CCDC171: variants seen among roughly 807,000 people sequenced by gnomAD.
The protein encoded by CCDC171 is coiled-coil domain-containing protein 171.
Under a neutral mutation model 168.2 loss-of-function variants are expected in CCDC171, and 177 were observed. The ratio of observed to expected loss-of-function variants is 1.05; its 90% CI spans 0.93 to 1.19. The LOEUF (loss-of-function observed/expected upper bound fraction) is 1.19. Among genes scored for constraint, CCDC171 ranks in the 50% most tolerant of loss-of-function variants. The pLI is 0.00. For synonymous variants in CCDC171, 687 were observed against 540.8 expected (o/e 1.27, Z -3.75); for missense variants, 1,991 against 1,539.0 (o/e 1.29, Z -4.91).
At chr9:15,785,998 A>G (rs897216965) in intron 21 of CCDC171, among the ~76,000 whole-genome samples, 1 of 152,152 alleles carries the variant, frequency 6.6e-6, no homozygotes, top group African/African-American at 2.4e-5. Flanking sequence ...TTTGAAATCT[A>G]AAGCAGGAAA....
chr9:15,629,510 G>A (rs201805727), intron 7 of CCDC171, among the ~76,000 whole-genome samples: 13 of 152,238 alleles, frequency 8.5e-5, no homozygotes, highest in Admixed American at 7.9e-4. Context: ...AAAGCCTCCA[G>A]GAAATATGGG....
At position 15,777,795 on chromosome 9, in the gene CCDC171, A is replaced by G; in HGVS notation, c.2867A>G (p.Lys956Arg). 6.2e-7 allele frequency: 1 copy of G among 1,611,662 alleles called. No individual in the cohort carries two copies. Among genetic ancestry groups the G allele is most frequent in the East Asian group, 2.2e-5 (1 of 44,860 alleles). ...CATAAAGTAAACACACTGGCCCTGA[A>G]ATATGGTTTGCGTGGCCATGTGCCC... is the stretch of plus-strand genomic sequence containing the variant. Reference protein sequence around the residue: ...GLHKVNTLALKYGLRGHVPIT... With the variant: ...GLHKVNTLALRYGLRGHVPIT... The change falls in exon 19 of 26, where the codon AAA becomes AGA. Residue 956 changes from lysine to arginine, a missense_variant. Physicochemically the swap from Lys to Arg is conservative, Grantham distance 26 (BLOSUM62 2). Coordinates refer to ENST00000380701, the MANE Select transcript of CCDC171 (RefSeq NM_173550.4).
chr9:16,097,400 T>G, the CCDC171 span, among the ~76,000 whole-genome samples: 4 of 152,242 alleles, frequency 2.6e-5, no homozygotes, highest in Admixed American at 6.5e-5. Context: ...CAATATTTTT[T>G]GAAGGCCTAC....
chr9:16,077,546 G>T, the CCDC171 span, among the ~76,000 whole-genome samples: 1 of 152,114 alleles, frequency 6.6e-6, no homozygotes, highest in South Asian at 2.1e-4. Context: ...CTTTTTTCAT[G>T]AGAAGAAAAC....
intron 24 of CCDC171, among the ~76,000 whole-genome samples, chr9:15,902,267 T>C (rs1184228330): frequency 1.7e-5 from 1 of 58,458 alleles, no homozygotes; most frequent in East Asian, 8.4e-4. Context: ...TATATGTATA[T>C]ATATATATAT....
At chr9:16,095,866 G>GTA in the CCDC171 span, among the ~76,000 whole-genome samples, 1 of 35,330 alleles carries the variant, frequency 2.8e-5, no homozygotes, top group Non-Finnish European at 5.5e-5. Flanking sequence ...ACACACATAG[G>GTA]CACATATATA....
At position 15,625,888 on chromosome 9, in the gene CCDC171, A is replaced by C. The variant is rs2045045955; in HGVS notation, c.822+2475A>C. ...TGGTAGCTTGATGGGGATGGCATTG[A>C]ATCTATAAATTACCTTGGGGAGTAT... On this transcript the variant is annotated intron_variant, in intron 7 of 25. Transcript: ENST00000380701. Among the ~76,000 whole-genome samples, 4 of 152,122 alleles carry C rather than the reference A, an allele frequency of 2.6e-5. No homozygotes were observed. In the South Asian group the frequency reaches 8.3e-4, roughly 32 times the overall value.
intron 18 of CCDC171, among the ~76,000 whole-genome samples, chr9:15,773,795 A>T (rs1031830745): frequency 1.3e-5 from 2 of 152,184 alleles, no homozygotes; most frequent in Admixed American, 6.5e-5. Flanking sequence ...TAGAGGGGGC[A>T]TAATTAAACT....
intron 11 of CCDC171, among the ~76,000 whole-genome samples, chr9:15,714,998 T>C (rs1181392206): frequency 6.6e-6 from 1 of 152,222 alleles, no homozygotes; most frequent in Non-Finnish European, 1.5e-5. Flanking sequence ...TGGAAGTTAA[T>C]TGCTACCATT....
At chr9:15,598,262 T>A (rs537768552) in intron 6 of CCDC171, among the ~76,000 whole-genome samples, 2 of 152,302 alleles carry the variant, frequency 1.3e-5, no homozygotes, top group African/African-American at 4.8e-5. Context: ...TTTAGATCTT[T>A]CCTGCTTTCT....
intron 1 of CCDC171, among the ~76,000 whole-genome samples, chr9:16,058,462 A>G (rs902940263): frequency 4.9e-4 from 75 of 152,288 alleles, no homozygotes; most frequent in African/African-American, 1.6e-3. Context: ...CTCCCCGTCC[A>G]GATGTGTTTG....
At chr9:15,902,488 C>T (rs931098192) in intron 24 of CCDC171, among the ~76,000 whole-genome samples, 5 of 152,040 alleles carry the variant, frequency 3.3e-5, no homozygotes, top group Non-Finnish European at 1.5e-5. Context: ...AACATGAATT[C>T]CCTGATTTAG....
At chr9:15,756,658 A>G (rs748737414) in intron 18 of CCDC171, among the ~76,000 whole-genome samples, 18 of 152,082 alleles carry the variant, frequency 1.2e-4, no homozygotes, top group Non-Finnish European at 2.2e-4. Flanking sequence ...TCCTGTGTTA[A>G]TTTGCTTAGG....
chr9:15,555,930 G>A (rs949969319), intron 1 of CCDC171, among the ~76,000 whole-genome samples: 5 of 152,026 alleles, frequency 3.3e-5, no homozygotes, highest in Admixed American at 6.6e-5. Flanking sequence ...GAGAACATGC[G>A]GTGTTTGGTT....
intron 7 of CCDC171, among the ~76,000 whole-genome samples, chr9:15,646,896 T>C (rs959820487): frequency 5.3e-5 from 8 of 152,276 alleles, no homozygotes; most frequent in South Asian, 4.1e-4. Flanking sequence ...CTGCACCAAG[T>C]GGACCTAATA....
At chr9:15,571,308 A>C (rs1256447677) in intron 2 of CCDC171, among the ~76,000 whole-genome samples, 1 of 152,224 alleles carries the variant, frequency 6.6e-6, no homozygotes, top group Non-Finnish European at 1.5e-5. Flanking sequence ...AAAGAAAAAA[A>C]GTGGGAGAAC....
chr9:15,823,520 C>G, intron 21 of CCDC171, among the ~76,000 whole-genome samples: 1 of 152,026 alleles, frequency 6.6e-6, no homozygotes, highest in Non-Finnish European at 1.5e-5. Flanking sequence ...CATTGCAAGG[C>G]ACTTCATATT....
At chr9:15,953,102 C>A (rs189753647) in intron 25 of CCDC171, among the ~76,000 whole-genome samples, 1 of 152,184 alleles carries the variant, frequency 6.6e-6, no homozygotes, top group Admixed American at 6.6e-5. Flanking sequence ...GGGTTTTCTA[C>A]ATGTAAGAGC....
At chr9:15,981,093 G>T (rs1576170) in intron 3 of CCDC171, among the ~76,000 whole-genome samples, 7,501 of 152,084 alleles carry the variant, frequency 0.049, 284 homozygotes, top group South Asian at 0.15. Flanking sequence ...CAGGAAAGAC[G>T]TGCCCCCATG....
Sources: allele counts gnomAD v4.1 joint callset (sites outside exome capture counted in the v4.1 genomes callset), GRCh38; gene constraint gnomAD v4.1.1; transcripts MANE v1.5; gene names NCBI Gene and HGNC (gene_info 2026-07-23, HGNC 2026-07-21).